Variants in PTPRS observed in about 807,000 individuals in gnomAD.
PTPRS encodes protein tyrosine phosphatase receptor type S.
Under a neutral mutation model 215.3 loss-of-function variants are expected in PTPRS, and 63 were observed. The observed-to-expected ratio is 0.29, with a 90% CI of 0.24 to 0.36. The LOEUF (loss-of-function observed/expected upper bound fraction) is 0.36. Among genes scored for constraint, PTPRS ranks in the 10% least tolerant of loss-of-function variants. The probability of loss-of-function intolerance (pLI) is 1.00; values close to 1 mark genes in which losing one functional copy is unlikely to be tolerated. For missense variants in PTPRS, 2,258 were observed against 2,825.8 expected (o/e 0.80, Z 4.56); for synonymous variants, 1,404 against 1,191.4 (o/e 1.18, Z -3.68).
Position 5,265,202 on chromosome 19 carries a change from G to A in PTPRS, c.380-6C>T. 6.2e-7 allele frequency: 1 copy of A among 1,612,106 alleles called. No individual in the cohort carries two copies. The highest frequency in any genetic ancestry group is 8.5e-7 in the Non-Finnish European group (1 of 1,178,770). The stretch of plus-strand genomic sequence containing the variant: ...GCCAGAGGGCAGCTGGTCCTCTGAG[G>A]GCAGAGACGTGAGAGAAATGGGCAT... On this transcript the variant is annotated splice_polypyrimidine_tract_variant and splice_region_variant and intron_variant, in intron 4 of 37. Coordinates refer to ENST00000262963, the MANE Select transcript of PTPRS (RefSeq NM_002850.4).
At chr19:5,316,380 G>C (rs1302099275) in intron 1 of PTPRS, among the ~76,000 whole-genome samples, 1 of 151,586 alleles carries the variant, frequency 6.6e-6, no homozygotes, top group African/African-American at 2.4e-5. Context: ...TTGCTGATTG[G>C]GTTTTTTTTT....
At chr19:5,266,493 C>T (rs1477038274) in intron 4 of PTPRS, among the ~76,000 whole-genome samples, 1 of 151,798 alleles carries the variant, frequency 6.6e-6, no homozygotes, top group East Asian at 1.9e-4. Context: ...CACTCGTCGG[C>T]CAGGCTGGAA....
rs2049005051 is a variant in PTPRS, at chr19:5,293,362, T to C, written c.-94-7128A>G. On this transcript the variant is annotated intron_variant, in intron 1 of 37. Transcript: ENST00000262963. The surrounding 1 kb of genome is among the most constrained non-coding windows in gnomAD (Gnocchi z 8.4). ...AGGGGACGGGCCCCGAGGAGGGGGA[T>C]TGGGGGGCAGGGCGGGGCCCCGGCC... 1 of 131,204 alleles carries C rather than the reference T, an allele frequency of 7.6e-6. No individual in the cohort carries two copies. Among genetic ancestry groups the C allele is most frequent in the African/African-American group, 2.8e-5 (1 of 35,146 alleles). The allele number at this position is 131,204 out of a possible 1,614,324, so 8.1% of individuals were successfully genotyped here.
intron 1 of PTPRS, among the ~76,000 whole-genome samples, chr19:5,318,647 T>G (rs1317711823): frequency 6.6e-6 from 1 of 151,972 alleles, no homozygotes; most frequent in Non-Finnish European, 1.5e-5. Context: ...TGGTGGTGGT[T>G]GTTATTATTT....
At chr19:5,221,717 G>A (rs902714805) in intron 19 of PTPRS, among the ~76,000 whole-genome samples, 5 of 151,918 alleles carry the variant, frequency 3.3e-5, no homozygotes, top group African/African-American at 9.7e-5. Flanking sequence ...ACCAACTCCA[G>A]ACTAAACTCT....
At position 5,338,143 on chromosome 19, in the gene PTPRS, A is replaced by G. The variant is rs1008422674; in HGVS notation, c.-95+2521T>C. Among the ~76,000 whole-genome samples, 3 of 152,096 alleles carry G rather than the reference A, an allele frequency of 2.0e-5. No homozygotes were observed. Among genetic ancestry groups the G allele is most frequent in the African/African-American group, 7.2e-5 (3 of 41,440 alleles). Reference sequence around the variant, plus strand: ...GCGGGCCAGTCCACCGCCTCTTGGGACGGCATCTCTGGACGGCCACTGACA... The same window carrying G: ...GCGGGCCAGTCCACCGCCTCTTGGGGCGGCATCTCTGGACGGCCACTGACA... On this transcript the variant is annotated intron_variant, in intron 1 of 37. Coordinates refer to ENST00000262963, the MANE Select transcript of PTPRS (RefSeq NM_002850.4). This position sits in a 1 kb window ranked among gnomAD's most constrained non-coding sequence, Gnocchi z 4.2.
intron 25 of PTPRS, among the ~76,000 whole-genome samples, chr19:5,217,198 A>G (rs2041555047): frequency 6.6e-6 from 1 of 152,248 alleles, no homozygotes; most frequent in Non-Finnish European, 1.5e-5. Context: ...CATCAGTTAA[A>G]TGCACATGTT....
At chr19:5,229,288 T>C (rs780316391) in intron 16 of PTPRS, 28 bp downstream of exon 16, 11 of 1,373,968 alleles carry the variant, frequency 8.0e-6, no homozygotes, top group Non-Finnish European at 1.0e-5. Context: ...CGCACAGCAG[T>C]AGGTGGGTGG....
chr19:5,328,282 G>A (rs1454780160), intron 1 of PTPRS, among the ~76,000 whole-genome samples: 2 of 152,064 alleles, frequency 1.3e-5, no homozygotes, highest in Non-Finnish European at 2.9e-5. Flanking sequence ...ACGGCCAGCT[G>A]TATTTTTAGT....
At chr19:5,316,539 C>CA (rs1432403716) in intron 1 of PTPRS, among the ~76,000 whole-genome samples, 1 of 152,222 alleles carries the variant, frequency 6.6e-6, no homozygotes, top group Non-Finnish European at 1.5e-5. Flanking sequence ...ACCACAGACT[C>CA]ACGCCACCAC....
At chr19:5,225,050 G>A (rs574269910) in intron 17 of PTPRS, among the ~76,000 whole-genome samples, 89 of 150,112 alleles carry the variant, frequency 5.9e-4, no homozygotes, top group African/African-American at 1.9e-3. Flanking sequence ...CCCTCCGCCC[G>A]GTGTACCCTC....
chr19:5,260,803 A>G lies in PTPRS; in HGVS notation c.595+2T>C, dbSNP rs191602854. 55 of 1,613,728 alleles carry G rather than the reference A, an allele frequency of 3.4e-5. No individual in the cohort carries two copies. The East Asian group carries it at 1.2e-3, about 36-fold the overall frequency. ...TGGGTGGGTGAGTGAGGAGCCTCTTACCTCGAATCGGAGTGCTTTCTGTAA... is the reference window on the plus strand; with the variant it reads ...TGGGTGGGTGAGTGAGGAGCCTCTTGCCTCGAATCGGAGTGCTTTCTGTAA... On this transcript the variant is annotated splice_donor_variant, in intron 7 of 37. Transcript: ENST00000262963. LOFTEE classifies it high-confidence loss of function.
At chr19:5,319,867 C>A (rs1156464219) in intron 1 of PTPRS, among the ~76,000 whole-genome samples, 1 of 152,060 alleles carries the variant, frequency 6.6e-6, no homozygotes, top group Non-Finnish European at 1.5e-5. Context: ...AAATGACAAC[C>A]CTCATGCCTC....
intron 30 of PTPRS, among the ~76,000 whole-genome samples, chr19:5,213,414 G>A (rs1423115805): frequency 8.9e-6 from 1 of 112,742 alleles, no homozygotes; most frequent in East Asian, 3.5e-4. Context: ...CCTCTTACCT[G>A]AAATGCTGTC....
At chr19:5,328,581 A>G (rs527332093) in intron 1 of PTPRS, among the ~76,000 whole-genome samples, 1 of 152,264 alleles carries the variant, frequency 6.6e-6, no homozygotes, top group East Asian at 1.9e-4. Context: ...ATCAGCTCAG[A>G]GAGGGTGAGC....
chr19:5,315,085 T>C (rs1048498084), intron 1 of PTPRS, among the ~76,000 whole-genome samples: 1 of 152,130 alleles, frequency 6.6e-6, no homozygotes. Context: ...TGCTGTTCCA[T>C]CTGCCTAGAA....
chr19:5,260,813 G>A lies in PTPRS; in HGVS notation c.587C>T (p.Pro196Leu), dbSNP rs774744361. 1.9e-5 allele frequency: 31 copies of A among 1,613,612 alleles called. No individual in the cohort carries two copies. Among genetic ancestry groups the A allele is most frequent in the Admixed American group, 3.3e-5 (2 of 60,000 alleles). Residue 196 changes from proline (P) to leucine (L), a missense_variant, in exon 7 of 38, where the codon CCG becomes CTG. Pro to Leu is a moderately conservative substitution (Grantham distance 98). Coordinates refer to ENST00000262963, the MANE Select transcript of PTPRS (RefSeq NM_002850.4). Reference protein sequence around the residue: ...QLRSETFESTPIRGALQIESS... With the variant: ...QLRSETFESTLIRGALQIESS... ...AGTGAGGAGCCTCTTACCTCGAATC[G>A]GAGTGCTTTCTGTAAGGGAAGCAGA...
At position 5,240,392 on chromosome 19, in the gene PTPRS, C is replaced by T. The variant is rs553583819; in HGVS notation, c.1571-60G>A. The stretch of plus-strand genomic sequence containing the variant: ...GAGCGTCCACCCCACAAAGGGGGCC[C>T]CACCTGCTGAGTGTCCCCACTAAAA... On this transcript the variant is annotated intron_variant, in intron 11 of 37. Coordinates refer to ENST00000262963, the MANE Select transcript of PTPRS (RefSeq NM_002850.4). 40 of 1,470,020 alleles carry T rather than the reference C, an allele frequency of 2.7e-5. No individual in the cohort carries two copies. The East Asian group carries it at 1.0e-3, about 38-fold the overall frequency. 91.1% of individuals were successfully genotyped at this position (1,470,020 alleles called of 1,614,324 possible). A position where few individuals can be genotyped will look rare whatever the true frequency, so the allele number is the denominator to read the frequency against.
At chr19:5,222,639 T>TGGGCGC in intron 18 of PTPRS, 50 bp downstream of exon 18, 1 of 787,394 alleles carries the variant, frequency 1.3e-6, no homozygotes, top group East Asian at 5.3e-5. Flanking sequence ...GGGGTGGGGG[T>TGGGCGC]GGGCGCAAGG....
Sources: allele counts gnomAD v4.1 joint callset (sites outside exome capture counted in the v4.1 genomes callset), GRCh38; gene constraint gnomAD v4.1.1; non-coding constraint Gnocchi (gnomAD v3.1); transcripts MANE v1.5; gene names NCBI Gene and HGNC (gene_info 2026-07-23, HGNC 2026-07-21).